SLC36A1: variants seen among roughly 807,000 people sequenced by gnomAD.
The protein encoded by SLC36A1 is proton-coupled amino acid transporter 1.
Under a neutral mutation model 47.5 loss-of-function variants are expected in SLC36A1, and 30 were observed. The ratio of observed to expected loss-of-function variants is 0.63; its 90% confidence interval spans 0.47 to 0.86. SLC36A1 has a LOEUF of 0.86. SLC36A1 is among the 40% of genes least tolerant of loss of function. The pLI is 0.00. For synonymous variants in SLC36A1, 255 were observed against 249.7 expected, an observed-to-expected ratio of 1.02 and a Z score of -0.20; for missense variants, 517 against 606.0, an observed-to-expected ratio of 0.85 and a Z score of 1.54.
chr5:151,515,617 C>T, the SLC36A1 span, among the ~76,000 whole-genome samples: 1 of 152,244 alleles, frequency 6.6e-6, no homozygotes, highest in Non-Finnish European at 1.5e-5. Context: ...GCCAAAATCT[C>T]ACTACTTGCC....
At chr5:151,438,777 C>A (rs1581016851) in intron 1 of SLC36A1, among the ~76,000 whole-genome samples, 1 of 152,192 alleles carries the variant, frequency 6.6e-6, no homozygotes, top group East Asian at 1.9e-4. Context: ...GCATTGGTGG[C>A]AGAGCAGTCT....
the SLC36A1 span, chr5:151,551,623 G>C: frequency 6.2e-7 from 1 of 1,613,768 alleles, no homozygotes; most frequent in East Asian, 2.2e-5. Flanking sequence ...TGGGAGTGGG[G>C]AGAAAGCACA....
chr5:151,537,616 T>C, the SLC36A1 span, among the ~76,000 whole-genome samples: 16 of 152,238 alleles, frequency 1.1e-4, no homozygotes, highest in Non-Finnish European at 1.8e-4. Flanking sequence ...GCCCAAATCT[T>C]GTCTTATCAA....
chr5:151,394,274 C>G, the SLC36A1 span, among the ~76,000 whole-genome samples: 1 of 152,226 alleles, frequency 6.6e-6, no homozygotes, highest in Non-Finnish European at 1.5e-5. Flanking sequence ...AAGGACTTCT[C>G]TACACTGGTT....
the SLC36A1 span, among the ~76,000 whole-genome samples, chr5:151,367,374 T>TTTCCCC: frequency 3.7e-3 from 544 of 145,526 alleles, 8 homozygotes; most frequent in African/African-American, 0.013. Context: ...TTTTTTTTTT[T>TTTCCCC]CCCCAGGGTA....
At chr5:151,544,324 T>C in the SLC36A1 span, 2 of 1,613,848 alleles carry the variant, frequency 1.2e-6, no homozygotes, top group South Asian at 1.1e-5. Context: ...AGTGGGAGGG[T>C]TATCATTGAC....
intron 8 of SLC36A1, among the ~76,000 whole-genome samples, chr5:151,474,328 A>G (rs1305307037): frequency 1.3e-5 from 2 of 152,034 alleles, no homozygotes; most frequent in African/African-American, 2.4e-5. Flanking sequence ...CTCATCTCCT[A>G]TGTGTGCAGT....
the SLC36A1 span, among the ~76,000 whole-genome samples, chr5:151,424,970 T>G: frequency 6.6e-6 from 1 of 152,118 alleles, no homozygotes; most frequent in Non-Finnish European, 1.5e-5. Context: ...AATGAATAAA[T>G]TATATGGTGT....
chr5:151,367,438 G>A, the SLC36A1 span, among the ~76,000 whole-genome samples: 3 of 146,820 alleles, frequency 2.0e-5, no homozygotes, highest in Non-Finnish European at 3.0e-5. Context: ...TTTCCTACTT[G>A]CACCTCCGTT....
chr5:151,498,803 C>T, the SLC36A1 span, among the ~76,000 whole-genome samples: 1 of 152,186 alleles, frequency 6.6e-6, no homozygotes, highest in Non-Finnish European at 1.5e-5. Context: ...TGCTTTAAGA[C>T]CCAGCTCAGA....
chr5:151,450,446 A>G (rs1322018212), intron 1 of SLC36A1, among the ~76,000 whole-genome samples: 1 of 150,838 alleles, frequency 6.6e-6, no homozygotes, highest in Non-Finnish European at 1.5e-5. Context: ...ACTTACTAGC[A>G]TGTAGAGTGG....
the SLC36A1 span, among the ~76,000 whole-genome samples, chr5:151,555,087 T>C: frequency 9.6e-3 from 1,462 of 152,284 alleles, 21 homozygotes; most frequent in African/African-American, 0.034. Context: ...GAGTCAGACA[T>C]GTGCACGTGG....
chr5:151,498,133 C>T, the SLC36A1 span, among the ~76,000 whole-genome samples: 246 of 151,922 alleles, frequency 1.6e-3, no homozygotes, highest in African/African-American at 5.5e-3. Context: ...TTAGTAGAGA[C>T]GGGGTTTCAC....
the SLC36A1 span, chr5:151,551,561 C>T: frequency 1.9e-6 from 3 of 1,614,236 alleles, no homozygotes; most frequent in Non-Finnish European, 2.5e-6. Flanking sequence ...AATGACGATG[C>T]TGCCTGTGGT....
upstream of SLC36A1, among the ~76,000 whole-genome samples, chr5:151,433,233 TATATATATA>T (rs2127433020): frequency 1.3e-4 from 1 of 7,772 alleles, no homozygotes; most frequent in South Asian, 3.3e-3. Context: ...TATATATATA[TATATATATA>T]TATATATATA....
the SLC36A1 span, chr5:151,542,422 T>C: frequency 8.7e-6 from 14 of 1,614,126 alleles, no homozygotes; most frequent in South Asian, 4.4e-5. Context: ...TCGGGGAGCA[T>C]TGTCATTCTC....
chr5:151,373,377 A>C, the SLC36A1 span, among the ~76,000 whole-genome samples: 1 of 152,216 alleles, frequency 6.6e-6, no homozygotes, highest in African/African-American at 2.4e-5. Context: ...AATAAAAAAT[A>C]AAGGGAAAAC....
the SLC36A1 span, among the ~76,000 whole-genome samples, chr5:151,367,374 T>TTTTCCC: frequency 7.9e-3 from 1,155 of 145,526 alleles, 18 homozygotes; most frequent in East Asian, 0.024. Context: ...TTTTTTTTTT[T>TTTTCCC]CCCCAGGGTA....
the SLC36A1 span, among the ~76,000 whole-genome samples, chr5:151,532,859 A>G: frequency 1.3e-5 from 2 of 152,236 alleles, no homozygotes; most frequent in Non-Finnish European, 2.9e-5. Context: ...GTGGAACACA[A>G]ACTTCTCTGG....
Sources: allele counts gnomAD v4.1 joint callset (sites outside exome capture counted in the v4.1 genomes callset), GRCh38; gene constraint gnomAD v4.1.1; transcripts MANE v1.5; gene names NCBI Gene and HGNC (gene_info 2026-07-23, HGNC 2026-07-21).